The following PRDM16 variants were observed in gnomAD, a reference collection of about 807,000 sequenced individuals.
PRDM16 encodes histone-lysine N-methyltransferase PRDM16.
In PRDM16, 23 loss-of-function variants were observed where a neutral mutation model predicts 110.6. The ratio of observed to expected loss-of-function variants is 0.21; its 90% confidence interval spans 0.15 to 0.29. The LOEUF is 0.29. Ranked by LOEUF, PRDM16 falls within the 10% of genes least tolerant of loss-of-function variation. PRDM16 has a pLI of 1.00. For missense variants in PRDM16, 1,615 were observed against 1,794.3 expected, an observed-to-expected ratio of 0.90 and a Z score of 1.81; for synonymous variants, 799 against 781.8, an observed-to-expected ratio of 1.02 and a Z score of -0.37.
intron 1 of PRDM16, among the ~76,000 whole-genome samples, chr1:3,182,053 C>T (rs2100789627): frequency 6.6e-6 from 1 of 152,378 alleles, no homozygotes; most frequent in Admixed American, 6.5e-5. Context: ...TCATGGGATG[C>T]TCACATTCAC....
At chr1:3,079,648 A>G (rs1379538980) in intron 1 of PRDM16, among the ~76,000 whole-genome samples, 1 of 152,210 alleles carries the variant, frequency 6.6e-6, no homozygotes, top group Non-Finnish European at 1.5e-5. Flanking sequence ...GCGTTTCTGA[A>G]CTACTTGAAA....
chr1:3,170,419 G>T (rs1445806812), intron 1 of PRDM16, among the ~76,000 whole-genome samples: 3 of 152,080 alleles, frequency 2.0e-5, no homozygotes, highest in Admixed American at 6.5e-5. Flanking sequence ...TCACCATGTG[G>T]GTGGGAATTA....
intron 3 of PRDM16, among the ~76,000 whole-genome samples, chr1:3,346,889 C>A (rs375166985): frequency 5.9e-5 from 9 of 152,330 alleles, no homozygotes; most frequent in Middle Eastern, 3.4e-3. Flanking sequence ...CACTGTTCAC[C>A]GGTGCTCTGC....
chr1:3,223,255 T>G (rs1242658486), intron 2 of PRDM16, among the ~76,000 whole-genome samples: 1 of 151,944 alleles, frequency 6.6e-6, no homozygotes, highest in Non-Finnish European at 1.5e-5. Context: ...CCTGGGCCAG[T>G]TTTAACTAGG....
intron 3 of PRDM16, among the ~76,000 whole-genome samples, chr1:3,376,378 C>T (rs539806343): frequency 5.3e-5 from 8 of 152,326 alleles, no homozygotes; most frequent in East Asian, 1.9e-4. Context: ...CCACGTGTCC[C>T]GGGCCTTCTT....
Position 3,273,618 on chromosome 1 carries a change from A to C in PRDM16, c.438+29481A>C, listed in dbSNP as rs949507030. 2.6e-5 allele frequency among the ~76,000 whole-genome samples: 4 copies of C among 151,824 alleles called. No individual in the cohort carries two copies. In the East Asian group the frequency reaches 7.7e-4, roughly 29 times the overall value. On this transcript the variant is annotated intron_variant, in intron 3 of 16. Transcript: ENST00000270722. Reference sequence around the variant, plus strand: ...GGTGTGTGTGTATGTACGGGCACGTAAGTGTGTGTGTGCATGCATGTGTGT... The same window carrying C: ...GGTGTGTGTGTATGTACGGGCACGTCAGTGTGTGTGTGCATGCATGTGTGT...
At chr1:3,075,862 C>G (rs1273845962) in intron 1 of PRDM16, among the ~76,000 whole-genome samples, 2 of 152,230 alleles carry the variant, frequency 1.3e-5, no homozygotes, top group Non-Finnish European at 2.9e-5. Flanking sequence ...GCGACAGGCT[C>G]ATCTGCGATC....
intron 1 of PRDM16, among the ~76,000 whole-genome samples, chr1:3,172,012 G>A (rs78526618): frequency 0.052 from 7,978 of 152,268 alleles, 232 homozygotes; most frequent in Admixed American, 0.072. Flanking sequence ...TGGGCCCAGC[G>A]GGAGGCTGTG....
intron 1 of PRDM16, among the ~76,000 whole-genome samples, chr1:3,181,718 A>AGTCTTACACACG (rs1275132909): frequency 3.4e-5 from 3 of 87,882 alleles, no homozygotes; most frequent in Admixed American, 1.3e-4. Flanking sequence ...TTACACACGC[A>AGTCTTACACACG]GTCTTACACA....
chr1:3,419,136 C>T (rs566287254), intron 12 of PRDM16, among the ~76,000 whole-genome samples: 2 of 152,334 alleles, frequency 1.3e-5, no homozygotes, highest in African/African-American at 2.4e-5. Context: ...GTTCATCTCA[C>T]GACGGCCATA....
Position 3,411,989 on chromosome 1 carries a change from A to C in PRDM16, c.1792A>C (p.Met598Leu), listed in dbSNP as rs752353194. The C allele has an allele frequency of 6.2e-7, 1 of 1,613,588 alleles. No individual in the cohort carries two copies. The highest frequency in any genetic ancestry group is 1.1e-5 in the South Asian group (1 of 91,070). ...GAAGCTGAAGACCAGGAGCAGCGAC[A>C]TGTCGGACGGCAGTGACTTTGAGGA... ...VEKLKTRSSD[M>L]SDGSDFEDVN... The change falls in exon 9 of 17, where the codon ATG becomes CTG. Residue 598 changes from methionine (M) to leucine (L), a missense_variant. Physicochemically the swap from Met to Leu is conservative, Grantham distance 15 (BLOSUM62 2). Coordinates refer to ENST00000270722, the MANE Select transcript of PRDM16 (RefSeq NM_022114.4).
chr1:3,354,015 C>T (rs957280744), intron 3 of PRDM16, among the ~76,000 whole-genome samples: 2 of 152,230 alleles, frequency 1.3e-5, no homozygotes, highest in African/African-American at 2.4e-5. Context: ...TAGCTTTCTC[C>T]TGCCCAGCCA....
rs1054642170 is a variant in PRDM16, at chr1:3,080,989, C to T, written c.37+11693C>T. Among the ~76,000 whole-genome samples, 18 of 151,816 alleles carry T rather than the reference C, an allele frequency of 1.2e-4. No individual in the cohort carries two copies. The highest frequency in any genetic ancestry group is 2.9e-4 in the African/African-American group (12 of 41,280). ...GGGTCTGCACATTCCGCCGAGTGTC[C>T]TCATGAACAAAAGGCCTAAAAAAAA... On this transcript the variant is annotated intron_variant, in intron 1 of 16. Coordinates refer to ENST00000270722, the MANE Select transcript of PRDM16 (RefSeq NM_022114.4). This position sits in a 1 kb window ranked among gnomAD's most constrained non-coding sequence, Gnocchi z 5.2.
intron 1 of PRDM16, among the ~76,000 whole-genome samples, chr1:3,181,957 C>T (rs550826417): frequency 1.3e-5 from 2 of 152,198 alleles, no homozygotes; most frequent in South Asian, 2.1e-4. Flanking sequence ...CACAGTCTTA[C>T]ACATGCCTTA....
intron 3 of PRDM16, among the ~76,000 whole-genome samples, chr1:3,332,443 G>A (rs893432064): frequency 3.9e-5 from 6 of 152,216 alleles, no homozygotes; most frequent in Middle Eastern, 3.4e-3. Flanking sequence ...GGGAGCGGTG[G>A]GGGGGCGTGG....
At chr1:3,318,423 A>C (rs1230671475) in intron 3 of PRDM16, among the ~76,000 whole-genome samples, 3 of 152,158 alleles carry the variant, frequency 2.0e-5, no homozygotes, top group Non-Finnish European at 4.4e-5. Context: ...CTACAATTTA[A>C]ACCAGAAAAT....
chr1:3,086,618 G>C (rs995968080), intron 1 of PRDM16, among the ~76,000 whole-genome samples: 6 of 152,098 alleles, frequency 3.9e-5, no homozygotes, highest in African/African-American at 1.4e-4. Context: ...GGAGGCTGGG[G>C]CTCCCTTCCC....
At chr1:3,125,753 G>A (rs1359985390) in intron 1 of PRDM16, among the ~76,000 whole-genome samples, 1 of 152,232 alleles carries the variant, frequency 6.6e-6, no homozygotes, top group Admixed American at 6.5e-5. Flanking sequence ...CTGCGCGGGG[G>A]GCACTGACCC....
At chr1:3,174,587 C>T (rs757177815) in intron 1 of PRDM16, among the ~76,000 whole-genome samples, 1 of 152,182 alleles carries the variant, frequency 6.6e-6, no homozygotes, top group African/African-American at 2.4e-5. Flanking sequence ...GTCCCTGCCT[C>T]CCTCCGTGTC....
Sources: allele counts gnomAD v4.1 joint callset (sites outside exome capture counted in the v4.1 genomes callset), GRCh38; gene constraint gnomAD v4.1.1; non-coding constraint Gnocchi (gnomAD v3.1); transcripts MANE v1.5; gene names NCBI Gene and HGNC (gene_info 2026-07-23, HGNC 2026-07-21).